Variants in NRXN1 observed in about 807,000 individuals in gnomAD.
The protein encoded by NRXN1 is neurexin-1.
In NRXN1, 39 loss-of-function variants were observed where a neutral mutation model predicts 150.9. The ratio of observed to expected loss-of-function variants is 0.26; its 90% confidence interval spans 0.20 to 0.34. The LOEUF (loss-of-function observed/expected upper bound fraction) is 0.34. Ranked by LOEUF, NRXN1 falls within the 10% of genes least tolerant of loss-of-function variation. NRXN1 has a pLI of 1.00. For synonymous variants in NRXN1, 924 were observed against 757.0 expected (o/e 1.22, Z -3.62); for missense variants, 1,815 against 1,949.9 (o/e 0.93, Z 1.30).
At chr2:50,937,622 T>A (rs1352402473) in intron 2 of NRXN1, among the ~76,000 whole-genome samples, 1 of 152,088 alleles carries the variant, frequency 6.6e-6, no homozygotes, top group Non-Finnish European at 1.5e-5. Flanking sequence ...ACTTTCTCCA[T>A]CGATTGTTGT....
intron 17 of NRXN1, among the ~76,000 whole-genome samples, chr2:50,288,945 G>C (rs373349351): frequency 8.5e-5 from 13 of 152,276 alleles, no homozygotes; most frequent in African/African-American, 3.1e-4. Context: ...TGTAGGGAAA[G>C]AGCATAGACA....
In NRXN1 at chr2:51,027,678, C is replaced by T. The variant is rs1670761751; in HGVS notation, c.596G>A (p.Ser199Asn). The T allele has an allele frequency of 1.2e-6, 2 of 1,604,218 alleles. No homozygotes were observed. The highest frequency in any genetic ancestry group is 1.7e-6 in the Non-Finnish European group (2 of 1,175,356). ...VNSSQVLPVDSGEVKLDDEPP... is the reference protein window; with the variant it reads ...VNSSQVLPVDNGEVKLDDEPP... ...CTCATCGTCCAGCTTCACCTCGCCG[C>T]TGTCCACGGGCAGGACCTGCGAGGA... The change falls in exon 2 of 23, where the codon AGC (serine) becomes AAC (asparagine). Residue 199 changes from serine (S) to asparagine (N), a missense_variant. Ser to Asn is a conservative substitution (Grantham distance 46). Transcript: ENST00000401669.
chr2:50,849,797 T>C (rs1674237680), intron 5 of NRXN1, among the ~76,000 whole-genome samples: 4 of 152,182 alleles, frequency 2.6e-5, no homozygotes, highest in African/African-American at 4.8e-5. Context: ...ATGTGGTCTT[T>C]CTGGAAACTT....
intron 2 of NRXN1, among the ~76,000 whole-genome samples, chr2:50,929,966 G>A (rs1687499165): frequency 6.6e-6 from 1 of 152,088 alleles, no homozygotes; most frequent in African/African-American, 2.4e-5. Context: ...ATGCGGCCCA[G>A]AACCAAGACG....
At chr2:49,928,237 G>A (rs111665415) in intron 22 of NRXN1, among the ~76,000 whole-genome samples, 22 of 151,046 alleles carry the variant, frequency 1.5e-4, no homozygotes, top group African/African-American at 5.3e-4. Flanking sequence ...ATTGTTAGAT[G>A]TCCTGTCTTG....
chr2:50,548,702 G>A (rs1352937581), intron 9 of NRXN1, among the ~76,000 whole-genome samples: 8 of 151,026 alleles, frequency 5.3e-5, no homozygotes, highest in Non-Finnish European at 1.2e-4. Flanking sequence ...TATCTGGGAT[G>A]GAAATTATGA....
chr2:50,784,101 G>A (rs916727494), intron 5 of NRXN1, among the ~76,000 whole-genome samples: 1 of 152,138 alleles, frequency 6.6e-6, no homozygotes, highest in Non-Finnish European at 1.5e-5. Context: ...CTGAGTATAT[G>A]TGTGAATGTG....
intron 17 of NRXN1, among the ~76,000 whole-genome samples, chr2:50,392,071 C>T (rs2081749428): frequency 6.6e-6 from 1 of 152,084 alleles, no homozygotes; most frequent in Non-Finnish European, 1.5e-5. Flanking sequence ...TGAGGTGTCC[C>T]TCTCTTGAAC....
chr2:50,846,283 C>G (rs1163094189), intron 5 of NRXN1, among the ~76,000 whole-genome samples: 1 of 152,190 alleles, frequency 6.6e-6, no homozygotes, highest in Non-Finnish European at 1.5e-5. Flanking sequence ...CACCACAGAT[C>G]TGCCTTGAAT....
intron 2 of NRXN1, among the ~76,000 whole-genome samples, chr2:51,022,360 T>C (rs766163631): frequency 6.6e-6 from 1 of 152,114 alleles, no homozygotes; most frequent in Non-Finnish European, 1.5e-5. Flanking sequence ...AGTTTGCCAC[T>C]TGAAACCAGG....
chr2:50,782,582 G>T (rs928457656), intron 5 of NRXN1, among the ~76,000 whole-genome samples: 6 of 152,088 alleles, frequency 3.9e-5, no homozygotes, highest in African/African-American at 1.2e-4. Context: ...TGCTAACAAA[G>T]AACCCAAAAA....
At chr2:50,057,567 T>G (rs1693843519) in intron 19 of NRXN1, among the ~76,000 whole-genome samples, 1 of 152,190 alleles carries the variant, frequency 6.6e-6, no homozygotes, top group Non-Finnish European at 1.5e-5. Flanking sequence ...TATCCCTCCA[T>G]GAGGCCAAGT....
At chr2:51,011,889 G>A (rs1369613575) in intron 2 of NRXN1, among the ~76,000 whole-genome samples, 2 of 152,002 alleles carry the variant, frequency 1.3e-5, no homozygotes, top group Non-Finnish European at 2.9e-5. Context: ...GTAGACTATA[G>A]CAGCAATCCT....
chr2:50,226,170 T>C (rs1574601581), intron 18 of NRXN1, among the ~76,000 whole-genome samples: 1 of 152,002 alleles, frequency 6.6e-6, no homozygotes, highest in East Asian at 1.9e-4. Context: ...ATTAACTACC[T>C]GAGTATATAT....
chr2:51,018,451 T>G (rs1403607574), intron 2 of NRXN1, among the ~76,000 whole-genome samples: 1 of 152,032 alleles, frequency 6.6e-6, no homozygotes, highest in Non-Finnish European at 1.5e-5. Flanking sequence ...TCCCACTTCT[T>G]TCCAATAATA....
chr2:50,347,480 T>A lies in NRXN1; in HGVS notation c.3365-110510A>T. On this transcript the variant is annotated intron_variant, in intron 17 of 22. Transcript: ENST00000401669. This position sits in a 1 kb window ranked among gnomAD's most constrained non-coding sequence, Gnocchi z 4.9. ...CAAGACAGAAGCAGACCCCATGGAATCCAGGCGCCCCTTCCCTCCATTCAG... is the reference window on the plus strand; with the variant it reads ...CAAGACAGAAGCAGACCCCATGGAAACCAGGCGCCCCTTCCCTCCATTCAG... 1 of 1,063,836 alleles carries A rather than the reference T, an allele frequency of 9.4e-7. No individual in the cohort carries two copies. The highest frequency in any genetic ancestry group is 1.1e-6 in the Non-Finnish European group (1 of 875,752). 65.9% of individuals were successfully genotyped at this position (1,063,836 alleles called of 1,614,324 possible). A position where few individuals can be genotyped will look rare whatever the true frequency, so the allele number is the denominator to read the frequency against.
chr2:50,705,885 A>T (rs1242741523), intron 5 of NRXN1, among the ~76,000 whole-genome samples: 2 of 152,204 alleles, frequency 1.3e-5, no homozygotes, highest in Non-Finnish European at 2.9e-5. Context: ...GTGGTAATAA[A>T]CAAAAACAAT....
chr2:50,112,504 C>A (rs553550464), intron 18 of NRXN1, among the ~76,000 whole-genome samples: 1 of 152,350 alleles, frequency 6.6e-6, no homozygotes, highest in Admixed American at 6.5e-5. Context: ...CATTTACTGG[C>A]TCAGTGCATT....
At chr2:50,116,056 G>A (rs776968468) in intron 18 of NRXN1, among the ~76,000 whole-genome samples, 4 of 151,862 alleles carry the variant, frequency 2.6e-5, no homozygotes, top group Non-Finnish European at 4.4e-5. Flanking sequence ...CCTAAGGCTC[G>A]ACCTCTTTTT....
Sources: allele counts gnomAD v4.1 joint callset (sites outside exome capture counted in the v4.1 genomes callset), GRCh38; gene constraint gnomAD v4.1.1; non-coding constraint Gnocchi (gnomAD v3.1); transcripts MANE v1.5; gene names NCBI Gene and HGNC (gene_info 2026-07-23, HGNC 2026-07-21).